The following MTO1 variants were observed in gnomAD, a reference collection of about 807,000 sequenced individuals.
MTO1 encodes mitochondrial tRNA translation optimization 1, also known as 5-taurinomethyluridine-[tRNA] synthase subunit MTO1, mitochondrial.
A neutral mutation model predicts 71.6 loss-of-function variants in MTO1; 46 were observed. The observed-to-expected ratio is 0.64, with a 90% CI of 0.51 to 0.82. The LOEUF is 0.82. MTO1 is among the 40% of genes least tolerant of loss of function. MTO1 has a pLI of 0.00. For synonymous variants in MTO1, 297 were observed against 312.1 expected (o/e 0.95, Z 0.51); for missense variants, 773 against 867.5 (o/e 0.89, Z 1.37).
At chr6:73,462,606 A>G (rs1373954832) in intron 1 of MTO1, among the ~76,000 whole-genome samples, 1 of 151,942 alleles carries the variant, frequency 6.6e-6, no homozygotes, top group East Asian at 1.9e-4. Flanking sequence ...GCGGGCGCCT[A>G]TAATCCCAGC....
At chr6:73,489,293 ATAT>A (rs1248817246) in intron 9 of MTO1, among the ~76,000 whole-genome samples, 3 of 107,282 alleles carry the variant, frequency 2.8e-5, no homozygotes, top group African/African-American at 7.1e-5. Flanking sequence ...TTTTTTTTGT[ATAT>A]TATTATACTT....
At chr6:73,479,538 TTA>T (rs1771426895) in intron 4 of MTO1, among the ~76,000 whole-genome samples, 192 bp from the exon 5 acceptor site, 1 of 152,144 alleles carries the variant, frequency 6.6e-6, no homozygotes, top group Non-Finnish European at 1.5e-5. Flanking sequence ...CTAGTTAGAT[TTA>T]GAGTTTTGCT....
At chr6:73,466,169 G>A in intron 1 of MTO1, 40 bp from the exon 2 acceptor site, 3 of 1,496,582 alleles carry the variant, frequency 2.0e-6, no homozygotes, top group Non-Finnish European at 2.8e-6. Context: ...TATGTGCAAG[G>A]TGCTCATATA....
intron 9 of MTO1, among the ~76,000 whole-genome samples, chr6:73,490,382 G>T (rs1289537929): frequency 6.6e-6 from 1 of 152,134 alleles, no homozygotes; most frequent in Non-Finnish European, 1.5e-5. Flanking sequence ...TGTCCTAAAT[G>T]GTGTTGCCTA....
At position 73,464,673 on chromosome 6, in the gene MTO1, A is replaced by G. The variant is rs191311521; in HGVS notation, c.218-1536A>G. ...TCAATAAATACTAAAAAAAAAAAAA[A>G]AAAGAAAGAAAATTAGCCAGGCGTG... On this transcript the variant is annotated intron_variant, in intron 1 of 11. Transcript: ENST00000498286. Among the ~76,000 whole-genome samples the G allele has an allele frequency of 7.7e-3, 1,172 of 151,234 alleles. 17 individuals are homozygous for G. The highest frequency in any genetic ancestry group is 0.026 in the African/African-American group (1,074 of 41,224).
rs537461840 is a variant in MTO1 at position 73,482,004 on chromosome 6, C to T, written c.1261-36C>T. 5.6e-6 allele frequency: 9 copies of T among 1,610,594 alleles called. No individual in the cohort carries two copies. In the African/African-American group the frequency reaches 1.2e-4, roughly 21 times the overall value. On this transcript the variant is annotated intron_variant, in intron 7 of 11. Transcript: ENST00000498286. ...GAATGGGATAGCCGTTTGTTTAGTTCATAATGGCCTTTTAAACATTTCAGT... is the reference window on the plus strand; with the variant it reads ...GAATGGGATAGCCGTTTGTTTAGTTTATAATGGCCTTTTAAACATTTCAGT...
At position 73,503,647 on chromosome 6, in the gene MTO1, T is replaced by C. The variant is rs1772217309; in HGVS notation, c.*2912T>C. On this transcript the variant is annotated 3_prime_UTR_variant, in exon 12 of 12. Coordinates refer to ENST00000498286, the MANE Select transcript of MTO1 (RefSeq NM_012123.4). ...AGCTGGCCATACTTGTGACTTCCTC[T>C]ATTCACCACAGACCAGACTGCCTAC... 6.6e-6 allele frequency: 1 copy of C among 152,182 alleles called. No individual in the cohort carries two copies. The highest frequency in any genetic ancestry group is 1.5e-5 in the Non-Finnish European group (1 of 68,038). The allele number at this position is 152,182 out of a possible 1,614,324, so 9.4% of individuals were successfully genotyped here.
intron 9 of MTO1, among the ~76,000 whole-genome samples, chr6:73,485,046 CAA>C (rs56004560): frequency 7.1e-4 from 74 of 104,918 alleles, no homozygotes; most frequent in Middle Eastern, 5.0e-3. Context: ...GTCTCTGTAT[CAA>C]AAAAAAAAAA....
chr6:73,473,295 G>C (rs974299718), intron 3 of MTO1, 70 bp from the exon 4 acceptor site: 78 of 1,408,198 alleles, frequency 5.5e-5, no homozygotes, highest in East Asian at 2.0e-4. Context: ...TAGATAGATA[G>C]ATAGATACAT....
chr6:73,480,766 G>A lies in MTO1; in HGVS notation c.1221G>A (p.Gln407=). The A allele has an allele frequency of 6.2e-7, 1 of 1,614,012 alleles. No homozygotes were observed. The highest frequency in any genetic ancestry group is 1.3e-5 in the African/African-American group (1 of 75,012). The change falls in exon 7 of 12, where the codon CAG becomes CAA. Residue 407 remains glutamine (Q), a synonymous_variant. Coordinates refer to ENST00000498286, the MANE Select transcript of MTO1 (RefSeq NM_012123.4). ...HLVQRLFFAG[Q]INGTTGYEEA... ...TTCAACGACTCTTCTTTGCTGGACA[G>A]ATCAATGGCACCACTGGTTATGAGG...
At chr6:73,492,166 A>G (rs920355530) in intron 9 of MTO1, 68 bp from the exon 10 acceptor site, 16 of 978,200 alleles carry the variant, frequency 1.6e-5, no homozygotes, top group Non-Finnish European at 2.2e-5. Context: ...TATTTCAAAG[A>G]ATCTTGTTCT....
At chr6:73,467,913 C>T (rs987456268) in intron 3 of MTO1, among the ~76,000 whole-genome samples, 8 of 151,990 alleles carry the variant, frequency 5.3e-5, no homozygotes, top group Non-Finnish European at 1.0e-4. Flanking sequence ...CTGAGCCTCC[C>T]GGGTTCAAGC....
intron 10 of MTO1, chr6:73,492,636 C>G (rs1396137733): frequency 4.0e-6 from 1 of 251,528 alleles, no homozygotes; most frequent in East Asian, 8.2e-5. Context: ...ATGGCAAAAC[C>G]CTGTCTCTAC....
At chr6:73,465,177 T>C (rs1477303662) in intron 1 of MTO1, among the ~76,000 whole-genome samples, 1 of 152,048 alleles carries the variant, frequency 6.6e-6, no homozygotes, top group Non-Finnish European at 1.5e-5. Context: ...TTTTCTTTTT[T>C]TTTTTGAGAT....
In MTO1 at chr6:73,473,456, A is replaced by G. The variant is rs1372611352; in HGVS notation, c.627A>G (p.Pro209=). ...GMIVIGLETH[P]AGRLGDQPSI... ...TTGTAATTGGATTGGAGACGCATCC[A>G]GCAGGACGTTTAGGGGATCAGCCTT... Residue 209 remains proline, a synonymous_variant, in exon 4 of 12, where the codon CCA becomes CCG. Coordinates refer to ENST00000498286, the MANE Select transcript of MTO1 (RefSeq NM_012123.4). 6.2e-7 allele frequency: 1 copy of G among 1,614,100 alleles called. No individual in the cohort carries two copies. Among genetic ancestry groups the G allele is most frequent in the Non-Finnish European group, 8.5e-7 (1 of 1,180,048 alleles).
In MTO1 at chr6:73,504,942, A is replaced by G. The variant is rs962632345; in HGVS notation, c.*4207A>G. 5.9e-5 allele frequency: 9 copies of G among 151,658 alleles called. No individual in the cohort carries two copies. Among genetic ancestry groups the G allele is most frequent in the African/African-American group, 2.2e-4 (9 of 41,272 alleles). 9.4% of individuals were successfully genotyped at this position (151,658 alleles called of 1,614,324 possible). ...GTAATCCCAGCATTTTGGGATTACA[A>G]ATCTGCCAGCGCAAGCAGATCACTT... On this transcript the variant is annotated 3_prime_UTR_variant, in exon 12 of 12. Coordinates refer to ENST00000498286, the MANE Select transcript of MTO1 (RefSeq NM_012123.4).
intron 3 of MTO1, among the ~76,000 whole-genome samples, chr6:73,471,279 T>C (rs1032309104): frequency 6.6e-6 from 1 of 151,922 alleles, no homozygotes; most frequent in African/African-American, 2.4e-5. Flanking sequence ...TAATATAATA[T>C]GCTCACTGAC....
At chr6:73,473,705 G>C in intron 4 of MTO1, 51 bp downstream of exon 4, 3 of 1,347,314 alleles carry the variant, frequency 2.2e-6, no homozygotes, top group Non-Finnish European at 3.0e-6. Context: ...GCTATTCACA[G>C]CAGGAAGTAC....
Position 73,497,791 on chromosome 6 carries a change from A to T in MTO1, c.1812A>T (p.Gln604His). 1 of 1,614,060 alleles carries T rather than the reference A, an allele frequency of 6.2e-7. No homozygotes were observed. Among genetic ancestry groups the T allele is most frequent in the Non-Finnish European group, 8.5e-7 (1 of 1,179,928 alleles). ...HQLQEIKGVQ[Q>H]DEALQLPKDL... ...TACAAGAAATAAAGGGAGTTCAGCA[A>T]GATGAAGCTCTCCAACTGCCAAAAG... The change falls in exon 11 of 12, where the codon CAA (glutamine) becomes CAT (histidine). Residue 604 changes from glutamine to histidine, a missense_variant. Transcript: ENST00000498286.
Sources: allele counts gnomAD v4.1 joint callset (sites outside exome capture counted in the v4.1 genomes callset), GRCh38; gene constraint gnomAD v4.1.1; transcripts MANE v1.5; gene names NCBI Gene and HGNC (gene_info 2026-07-23, HGNC 2026-07-21).